ARID1B: variants seen among roughly 807,000 people sequenced by gnomAD.
ARID1B encodes the protein AT-rich interaction domain 1B.
ARID1B carries 30 observed loss-of-function variants against 212.3 expected under a neutral mutation model. The observed-to-expected ratio is 0.14, with a 90% CI of 0.11 to 0.19. ARID1B has a LOEUF of 0.19. Among genes scored for constraint, ARID1B ranks in the 10% least tolerant of loss-of-function variants. The probability of loss-of-function intolerance (pLI) is 1.00; values close to 1 mark genes in which losing one functional copy is unlikely to be tolerated. For missense variants in ARID1B, 2,891 were observed against 3,204.0 expected, an observed-to-expected ratio of 0.90 and a Z score of 2.36; for synonymous variants, 1,402 against 1,301.7, an observed-to-expected ratio of 1.08 and a Z score of -1.66.
chr6:157,086,104 GCTA>G (rs1353198019), intron 5 of ARID1B, among the ~76,000 whole-genome samples: 1 of 152,130 alleles, frequency 6.6e-6, no homozygotes, highest in Non-Finnish European at 1.5e-5. Flanking sequence ...CATGCAAAGG[GCTA>G]CTATTAACAA....
intron 13 of ARID1B, among the ~76,000 whole-genome samples, chr6:157,188,148 C>T (rs773930547): frequency 1.3e-5 from 2 of 151,966 alleles, no homozygotes; most frequent in Admixed American, 6.6e-5. Flanking sequence ...CCATGACATG[C>T]GTTTACCTAT....
intron 1 of ARID1B, among the ~76,000 whole-genome samples, chr6:156,806,365 T>G (rs2127963435): frequency 6.6e-6 from 1 of 152,356 alleles, no homozygotes; most frequent in East Asian, 1.9e-4. Context: ...CCTCTGGCTT[T>G]CAGAACCTCC....
chr6:157,092,808 A>G (rs759074206), intron 5 of ARID1B, among the ~76,000 whole-genome samples: 7 of 152,192 alleles, frequency 4.6e-5, no homozygotes, highest in African/African-American at 1.4e-4. Flanking sequence ...TGTGTCACCA[A>G]GGCAATATTA....
chr6:156,897,578 T>A (rs1476006045), intron 2 of ARID1B, among the ~76,000 whole-genome samples: 1 of 151,968 alleles, frequency 6.6e-6, no homozygotes, highest in Non-Finnish European at 1.5e-5. Context: ...CCAGCCAGAT[T>A]CTTATTTTTA....
At chr6:157,179,154 A>AT (rs1206584566) in intron 11 of ARID1B, among the ~76,000 whole-genome samples, 2 of 152,056 alleles carry the variant, frequency 1.3e-5, no homozygotes, top group Non-Finnish European at 2.9e-5. Flanking sequence ...CGTTGGACCC[A>AT]TTTTTTTAAG....
intron 1 of ARID1B, 117 bp from the exon 2 acceptor site, chr6:156,829,110 A>G: frequency 1.2e-6 from 1 of 821,924 alleles, no homozygotes; most frequent in Non-Finnish European, 1.9e-6. Flanking sequence ...CATTGTTTTT[A>G]ATATTTTTAA....
chr6:156,791,640 T>C (rs1780016627), intron 1 of ARID1B, among the ~76,000 whole-genome samples: 1 of 152,140 alleles, frequency 6.6e-6, no homozygotes. Context: ...GCAGAGGTAA[T>C]GCAAGGAAAT....
At chr6:156,998,440 G>C (rs1024737464) in intron 4 of ARID1B, among the ~76,000 whole-genome samples, 1 of 152,142 alleles carries the variant, frequency 6.6e-6, no homozygotes, top group African/African-American at 2.4e-5. Context: ...AGCCAGGATG[G>C]TCTGGATCTC....
chr6:157,160,649 G>A (rs1790867766), intron 8 of ARID1B, among the ~76,000 whole-genome samples: 1 of 152,054 alleles, frequency 6.6e-6, no homozygotes, highest in South Asian at 2.1e-4. Context: ...AAAACCCCAA[G>A]TGTCTTCCTG....
chr6:156,814,424 A>G (rs753232544), intron 1 of ARID1B, among the ~76,000 whole-genome samples: 8 of 152,168 alleles, frequency 5.3e-5, no homozygotes, highest in Middle Eastern at 3.2e-3. Context: ...CACCAATGTA[A>G]AGTACATCTG....
At chr6:157,001,208 T>G (rs150018283) in intron 4 of ARID1B, among the ~76,000 whole-genome samples, 1 of 152,184 alleles carries the variant, frequency 6.6e-6, no homozygotes, top group African/African-American at 2.4e-5. Context: ...TATTCTAGGT[T>G]CATTTTCGAA....
At chr6:156,938,204 T>TA (rs1792410418) in intron 4 of ARID1B, 1 of 152,204 alleles carries the variant, frequency 6.6e-6, no homozygotes, top group African/African-American at 2.4e-5. Context: ...TGGATACTTA[T>TA]AATAAGTTGC....
At position 157,207,987 on chromosome 6, in the gene ARID1B, A is replaced by G. The variant is rs939553312; in HGVS notation, c.*96A>G. ...TGTTTATCCAGCGTAGGAAGAAGGA[A>G]AAGAAAATCTTTGCTCCTCTGCCCC... On this transcript the variant is annotated 3_prime_UTR_variant, in exon 20 of 20. Transcript: ENST00000636930. The surrounding 1 kb of genome is among the most constrained non-coding windows in gnomAD (Gnocchi z 8.5). 4.6e-6 allele frequency: 6 copies of G among 1,317,364 alleles called. No homozygotes were observed. In the Admixed American group the frequency reaches 1.6e-4, roughly 35 times the overall value. The allele number at this position is 1,317,364 out of a possible 1,614,324, so 81.6% of individuals were successfully genotyped here.
intron 4 of ARID1B, among the ~76,000 whole-genome samples, chr6:157,003,473 G>C (rs1779022285): frequency 6.6e-6 from 1 of 152,186 alleles, no homozygotes; most frequent in South Asian, 2.1e-4. Context: ...TGACAGTAGA[G>C]GTGAAGAAAA....
At chr6:157,114,523 C>CAAAAAATAAAA (rs1787187636) in intron 6 of ARID1B, among the ~76,000 whole-genome samples, 1 of 50,384 alleles carries the variant, frequency 2.0e-5, no homozygotes, top group African/African-American at 6.7e-5. Flanking sequence ...CACTCCGTCT[C>CAAAAAATAAAA]AAAAAAAAAA....
At chr6:157,106,029 TA>T (rs1245477195) in intron 5 of ARID1B, among the ~76,000 whole-genome samples, 2 of 152,158 alleles carry the variant, frequency 1.3e-5, no homozygotes, top group African/African-American at 4.8e-5. Flanking sequence ...TGGAATTGTG[TA>T]ACCTTTAGAC....
At chr6:156,846,285 G>A (rs1031174679) in intron 2 of ARID1B, among the ~76,000 whole-genome samples, 1 of 151,730 alleles carries the variant, frequency 6.6e-6, no homozygotes, top group African/African-American at 2.4e-5. Flanking sequence ...CTCCTGAGTA[G>A]CTGGGACTAC....
At chr6:156,869,508 G>A (rs1018421057) in intron 2 of ARID1B, among the ~76,000 whole-genome samples, 4 of 152,152 alleles carry the variant, frequency 2.6e-5, no homozygotes. Context: ...CTTATAAGTT[G>A]TTAGTCTGCA....
intron 4 of ARID1B, among the ~76,000 whole-genome samples, chr6:157,028,771 T>A (rs1780828811): frequency 6.6e-6 from 1 of 152,234 alleles, no homozygotes; most frequent in African/African-American, 2.4e-5. Context: ...TGTGACCACA[T>A]AAGCCTTCTG....
Sources: gnomAD v4.1 joint callset for allele counts (sites outside exome capture counted in the v4.1 genomes callset) on GRCh38, gnomAD v4.1.1 for gene constraint, Gnocchi (gnomAD v3.1) non-coding constraint, MANE v1.5 for transcripts, NCBI Gene and HGNC (gene_info 2026-07-23, HGNC 2026-07-21) for gene names.